ZNF862: variants seen among roughly 807,000 people sequenced by gnomAD.
The protein encoded by ZNF862 is zinc finger protein 862.
A neutral mutation model predicts 91.1 loss-of-function variants in ZNF862; 64 were observed. That is an observed-to-expected ratio of 0.70 (90% CI 0.57 to 0.87). The LOEUF (loss-of-function observed/expected upper bound fraction) is 0.87. Ranked by LOEUF, ZNF862 falls within the 40% of genes least tolerant of loss-of-function variation. The probability of loss-of-function intolerance (pLI) is 0.00; values close to 1 mark genes in which losing one functional copy is unlikely to be tolerated. For missense variants in ZNF862, 1,459 were observed against 1,528.0 expected, an observed-to-expected ratio of 0.95 and a Z score of 0.75; for synonymous variants, 631 against 618.1, an observed-to-expected ratio of 1.02 and a Z score of -0.31.
chr7:149,840,110 T>G (rs1378499282), intron 1 of ZNF862, among the ~76,000 whole-genome samples: 2 of 146,258 alleles, frequency 1.4e-5, no homozygotes, highest in African/African-American at 5.1e-5. Flanking sequence ...CCTGGTGACA[T>G]CTTCATGATC....
chr7:149,866,962 C>A lies in ZNF862; in HGVS notation c.*2678C>A, dbSNP rs1171491427. 6 of 152,144 alleles carry A rather than the reference C, an allele frequency of 3.9e-5. No individual in the cohort carries two copies. The highest frequency in any genetic ancestry group is 1.4e-4 in the African/African-American group (6 of 41,414). The allele number at this position is 152,144 out of a possible 1,614,324, so 9.4% of individuals were successfully genotyped here. On this transcript the variant is annotated 3_prime_UTR_variant, in exon 8 of 8. Coordinates refer to ENST00000223210, the MANE Select transcript of ZNF862 (RefSeq NM_001099220.3). ...TGTTTATGCCTCACAAGAAGAAAAA[C>A]CACAGGGCTCTGGGAGGGGAAGAAG...
At chr7:149,841,157 A>T (rs1455684934) in intron 1 of ZNF862, 1 of 985,348 alleles carries the variant, frequency 1.0e-6, no homozygotes, top group Non-Finnish European at 1.2e-6. Flanking sequence ...GTTGCAAATG[A>T]GTGACAAGGA....
chr7:149,865,763 C>G lies in ZNF862; in HGVS notation c.*1479C>G, dbSNP rs1044501671. ...GGCGCCATCCATCCCAGCTTGCTTG[C>G]TGCCTGGCTCAGGCAGGTCCTGTGC... On this transcript the variant is annotated 3_prime_UTR_variant, in exon 8 of 8. Transcript: ENST00000223210. 6.6e-6 allele frequency: 1 copy of G among 152,248 alleles called. No individual in the cohort carries two copies. Among genetic ancestry groups the G allele is most frequent in the African/African-American group, 2.4e-5 (1 of 41,460 alleles). 9.4% of individuals were successfully genotyped at this position (152,248 alleles called of 1,614,324 possible).
rs62621237 is a variant in ZNF862 at position 149,864,234 on chromosome 7, G to T, written c.3460G>T (p.Glu1154Ter). 2.3e-5 allele frequency: 37 copies of T among 1,601,704 alleles called. No individual in the cohort carries two copies. In the East Asian group the frequency reaches 4.3e-4, roughly 19 times the overall value. The change falls in exon 8 of 8, where the codon GAG becomes TAG. Residue 1154 changes from glutamate to a stop codon, truncating the protein, a stop_gained. Coordinates refer to ENST00000223210, the MANE Select transcript of ZNF862 (RefSeq NM_001099220.3). LOFTEE classifies it low-confidence loss of function (END_TRUNC). ...GAAGGACTGCATCATGGAGCCTCCC[G>T]AGAGACTCCTGTATCCCCACACCAG... ...VLKDCIMEPPERLLYPHTSQE... is the reference protein window; with the variant it reads ...VLKDCIMEPP
intron 5 of ZNF862, chr7:149,858,669 A>G (rs1802340981): frequency 6.6e-6 from 1 of 152,252 alleles, no homozygotes; most frequent in Non-Finnish European, 1.5e-5. Flanking sequence ...AATAGAGGAA[A>G]TGGTTTATCT....
intron 1 of ZNF862, chr7:149,840,976 A>G: frequency 2.0e-6 from 2 of 985,404 alleles, no homozygotes; most frequent in Non-Finnish European, 2.4e-6. Flanking sequence ...CCAACCACTA[A>G]GTGAAACCTC....
chr7:149,858,007 C>T (rs191848516), intron 5 of ZNF862, among the ~76,000 whole-genome samples: 1 of 152,272 alleles, frequency 6.6e-6, no homozygotes, highest in African/African-American at 2.4e-5. Flanking sequence ...CTCTGTTCTC[C>T]TCTGGGGTGT....
At chr7:149,839,124 A>G (rs528471831) in intron 1 of ZNF862, among the ~76,000 whole-genome samples, 31 of 152,212 alleles carry the variant, frequency 2.0e-4, no homozygotes, top group Admixed American at 5.9e-4. Context: ...TACTTCATGG[A>G]ATATCTGGGC....
Position 149,861,853 on chromosome 7 carries a change from A to G in ZNF862, c.2693A>G (p.Lys898Arg). 1 of 1,613,778 alleles carries G rather than the reference A, an allele frequency of 6.2e-7. No homozygotes were observed. The highest frequency in any genetic ancestry group is 8.5e-7 in the Non-Finnish European group (1 of 1,179,892). Residue 898 changes from lysine (K) to arginine (R), a missense_variant, in exon 7 of 8, where the codon AAG becomes AGG. Transcript: ENST00000223210. The surrounding 1 kb of genome is among the most constrained non-coding windows in gnomAD (Gnocchi z 6.7). ...PKEEEFNASF[K>R]DGRLHGICLD... ...GAGGAAGAATTCAACGCCAGCTTCA[A>G]GGATGGGCGGCTCCACGGCATCTGC...
At chr7:149,859,365 G>A (rs985984137) in intron 5 of ZNF862, 57 bp from the exon 6 acceptor site, 21 of 1,411,784 alleles carry the variant, frequency 1.5e-5, no homozygotes, top group Middle Eastern at 3.5e-4. Flanking sequence ...AGCTTGAGGG[G>A]GCTACTCGAT....
At chr7:149,840,193 A>T (rs1459173247) in intron 1 of ZNF862, among the ~76,000 whole-genome samples, 2,215 of 138,240 alleles carry the variant, frequency 0.016, 51 homozygotes, top group African/African-American at 0.065. Flanking sequence ...AAAGTAAAAA[A>T]AAAAAAAAAA....
intron 5 of ZNF862, among the ~76,000 whole-genome samples, chr7:149,857,402 G>T (rs184011739): frequency 8.7e-4 from 132 of 151,912 alleles, no homozygotes; most frequent in African/African-American, 3.2e-3. Flanking sequence ...ATTCTATTGG[G>T]TTTTTTAGTT....
chr7:149,862,472 G>A lies in ZNF862; in HGVS notation c.3312G>A (p.Gln1104=), dbSNP rs778197320. ...RRFSHVYTCA[Q]VPARSPASAR... is the part of the protein sequence containing the mutation. ...TCAGCCATGTCTACACCTGTGCCCAGGTGCCAGCCCGCTCCCCTGCAAGTA... is the reference window on the plus strand; with the variant it reads ...TCAGCCATGTCTACACCTGTGCCCAAGTGCCAGCCCGCTCCCCTGCAAGTA... The change falls in exon 7 of 8, where the codon CAG becomes CAA. Residue 1104 remains glutamine, a synonymous_variant. Coordinates refer to ENST00000223210, the MANE Select transcript of ZNF862 (RefSeq NM_001099220.3). 5 of 1,597,752 alleles carry A rather than the reference G, an allele frequency of 3.1e-6. No individual in the cohort carries two copies. The highest frequency in any genetic ancestry group is 2.2e-5 in the East Asian group (1 of 44,452).
chr7:149,861,499 G>GCC lies in ZNF862; in HGVS notation c.2340_2341dup (p.Leu781ProfsTer2). ...GCGCCTCTGGAGCAGGAGATCATCC[G>GCC]CCTGAAGGATCTGAATGCGGTCCGC... On this transcript the variant is annotated frameshift_variant, in exon 7 of 8. Transcript: ENST00000223210. LOFTEE classifies it high-confidence loss of function. This position sits in a 1 kb window ranked among gnomAD's most constrained non-coding sequence, Gnocchi z 6.7. 1.2e-6 allele frequency: 2 copies of GCC among 1,611,610 alleles called. No individual in the cohort carries two copies. The highest frequency in any genetic ancestry group is 8.5e-7 in the Non-Finnish European group (1 of 1,179,242).
chr7:149,861,362 G>A lies in ZNF862; in HGVS notation c.2202G>A (p.Val734=). The A allele has an allele frequency of 6.2e-7, 1 of 1,613,082 alleles. No homozygotes were observed. Among genetic ancestry groups the A allele is most frequent in the Non-Finnish European group, 8.5e-7 (1 of 1,179,908 alleles). Residue 734 remains valine, a synonymous_variant, in exon 7 of 8, where the codon GTG becomes GTA. Coordinates refer to ENST00000223210, the MANE Select transcript of ZNF862 (RefSeq NM_001099220.3). The surrounding 1 kb of genome is among the most constrained non-coding windows in gnomAD (Gnocchi z 6.7). The stretch of plus-strand genomic sequence containing the variant: ...CCCACCGGCTGCACCTGGCTGTGGT[G>A]GACGCCTGCGGGAGCATCGATCTGG... ...CVAHRLHLAV[V]DACGSIDLVK...
chr7:149,860,061 A>G, intron 6 of ZNF862: 1 of 363,922 alleles, frequency 2.7e-6, no homozygotes, highest in Non-Finnish European at 5.0e-6. Flanking sequence ...CTTATCCAAC[A>G]GTCTCTGTGG....
At position 149,865,112 on chromosome 7, in the gene ZNF862, C is replaced by T. The variant is rs1036047337; in HGVS notation, c.*828C>T. ...TTCCTCTTTGTGCCTCAGTTTCCCTCTCCATGAAGTGGCAGCAGAGATCCA... is the reference window on the plus strand; with the variant it reads ...TTCCTCTTTGTGCCTCAGTTTCCCTTTCCATGAAGTGGCAGCAGAGATCCA... On this transcript the variant is annotated 3_prime_UTR_variant, in exon 8 of 8. Coordinates refer to ENST00000223210, the MANE Select transcript of ZNF862 (RefSeq NM_001099220.3). 6.6e-6 allele frequency: 1 copy of T among 152,280 alleles called. No individual in the cohort carries two copies. The highest frequency in any genetic ancestry group is 2.4e-5 in the African/African-American group (1 of 41,426). 9.4% of individuals were successfully genotyped at this position (152,280 alleles called of 1,614,324 possible).
chr7:149,840,159 G>C (rs940484754), intron 1 of ZNF862, among the ~76,000 whole-genome samples: 5 of 111,340 alleles, frequency 4.5e-5, no homozygotes, highest in African/African-American at 1.7e-4. Flanking sequence ...GTGTGTTTGT[G>C]TCTTAGGTTT....
At position 149,838,500 on chromosome 7, in the gene ZNF862, C is replaced by G. The variant is rs908914918; in HGVS notation, c.-112C>G. The G allele has an allele frequency of 1.4e-6, 1 of 703,926 alleles. No individual in the cohort carries two copies. The highest frequency in any genetic ancestry group is 4.3e-5 in the Admixed American group (1 of 23,088). 43.6% of individuals were successfully genotyped at this position (703,926 alleles called of 1,614,324 possible). ...GTTCTTGGGCCGCGCTCCCTCCCTA[C>G]CTGGGTGCCCTCCCCCTCCGGGAGC... On this transcript the variant is annotated 5_prime_UTR_variant, in exon 1 of 8. Transcript: ENST00000223210.
Sources: gnomAD v4.1 joint callset for allele counts (sites outside exome capture counted in the v4.1 genomes callset) on GRCh38, gnomAD v4.1.1 for gene constraint, Gnocchi (gnomAD v3.1) non-coding constraint, MANE v1.5 for transcripts, NCBI Gene and HGNC (gene_info 2026-07-23, HGNC 2026-07-21) for gene names.